The following PDLIM1 variants were observed in gnomAD, a reference collection of about 807,000 sequenced individuals.
PDLIM1 encodes the protein PDZ and LIM domain protein 1.
PDLIM1 carries 25 observed loss-of-function variants against 35.2 expected under a neutral mutation model. That is an observed-to-expected ratio of 0.71 (90% confidence interval 0.52 to 0.99). PDLIM1 has a LOEUF of 0.99. PDLIM1 is among the 50% of genes least tolerant of loss of function. The pLI is 0.00. For synonymous variants in PDLIM1, 152 were observed against 154.0 expected (o/e 0.99, Z 0.10); for missense variants, 363 against 415.3 (o/e 0.87, Z 1.09).
chr10:95,254,888 AAG>A (rs776708634), intron 4 of PDLIM1, among the ~76,000 whole-genome samples: 1 of 152,058 alleles, frequency 6.6e-6, no homozygotes, highest in Admixed American at 6.6e-5. Flanking sequence ...CAACCTGGGC[AAG>A]AGAGAGAGAC....
At chr10:95,247,096 T>A in intron 5 of PDLIM1, 119 bp downstream of exon 5, 1 of 837,862 alleles carries the variant, frequency 1.2e-6, no homozygotes, top group Non-Finnish European at 1.9e-6. Context: ...ATTTCAGCAT[T>A]TTAAAAGCCC....
rs544217733 is a variant in PDLIM1 at position 95,279,518 on chromosome 10, C to T, written c.97-7734G>A. 3.3e-5 allele frequency among the ~76,000 whole-genome samples: 5 copies of T among 152,254 alleles called. No individual in the cohort carries two copies. In the South Asian group the frequency reaches 1.0e-3, roughly 32 times the overall value. ...TCAAACCCCAACTCTAACGCTTTTC[C>T]TCTCTACTGCCTTAAAGGGTGCCAG... On this transcript the variant is annotated intron_variant, in intron 1 of 6. Coordinates refer to ENST00000329399, the MANE Select transcript of PDLIM1 (RefSeq NM_020992.4).
intron 5 of PDLIM1, among the ~76,000 whole-genome samples, chr10:95,245,044 AACT>A (rs1199492728): frequency 3.3e-5 from 5 of 152,236 alleles, no homozygotes; most frequent in Non-Finnish European, 5.9e-5. Flanking sequence ...ATACAGGAGA[AACT>A]ACAAGATTTG....
intron 1 of PDLIM1, among the ~76,000 whole-genome samples, chr10:95,274,874 G>A (rs907654758): frequency 1.2e-4 from 18 of 152,102 alleles, no homozygotes; most frequent in South Asian, 2.1e-4. Flanking sequence ...GCTAACTTCC[G>A]GAGAAATTTT....
chr10:95,240,207 C>G (rs2035166492), intron 5 of PDLIM1, among the ~76,000 whole-genome samples: 1 of 152,166 alleles, frequency 6.6e-6, no homozygotes, highest in Non-Finnish European at 1.5e-5. Context: ...TCACAGCACT[C>G]ACTATTCATG....
intron 1 of PDLIM1, among the ~76,000 whole-genome samples, chr10:95,282,752 C>T (rs1163024037): frequency 6.6e-6 from 1 of 152,124 alleles, no homozygotes; most frequent in African/African-American, 2.4e-5. Flanking sequence ...CCAGCCTGTT[C>T]ACCAACATGG....
At chr10:95,269,569 C>A (rs1395510729) in intron 2 of PDLIM1, among the ~76,000 whole-genome samples, 1 of 82,552 alleles carries the variant, frequency 1.2e-5, no homozygotes, top group African/African-American at 3.5e-5. Flanking sequence ...GAGACTCCAT[C>A]CCAAAAAAAA....
Position 95,240,526 on chromosome 10 carries a change from AGAATG to A in PDLIM1, c.686-1846_686-1842del, listed in dbSNP as rs1266413913. Among the ~76,000 whole-genome samples the A allele has an allele frequency of 2.0e-5, 3 of 152,320 alleles. No individual in the cohort carries two copies. In the East Asian group the frequency reaches 5.8e-4, roughly 29 times the overall value. On this transcript the variant is annotated intron_variant, in intron 5 of 6. Coordinates refer to ENST00000329399, the MANE Select transcript of PDLIM1 (RefSeq NM_020992.4). The stretch of plus-strand genomic sequence containing the variant: ...GAGTGGGGGAAGGAGAACATCTGGA[AGAATG>A]GCTGATGGATGCTGGGCTTAATATC...
chr10:95,283,229 T>G (rs1012926702), intron 1 of PDLIM1, among the ~76,000 whole-genome samples: 15 of 152,200 alleles, frequency 9.9e-5, no homozygotes, highest in Middle Eastern at 3.2e-3. Flanking sequence ...ATTAATATTT[T>G]TAATATTTAA....
At chr10:95,270,723 C>T (rs1365145536) in intron 2 of PDLIM1, among the ~76,000 whole-genome samples, 1 of 152,064 alleles carries the variant, frequency 6.6e-6, no homozygotes, top group Non-Finnish European at 1.5e-5. Context: ...ACCCACTGCT[C>T]AGCACAATGC....
At chr10:95,271,436 C>CAA (rs5787128) in intron 2 of PDLIM1, among the ~76,000 whole-genome samples, 197 bp downstream of exon 2, 14 of 71,812 alleles carry the variant, frequency 1.9e-4, no homozygotes, top group Non-Finnish European at 2.5e-4. Context: ...GACTCCGTCT[C>CAA]AAAAAAAAAA....
intron 3 of PDLIM1, among the ~76,000 whole-genome samples, chr10:95,266,015 A>G (rs1375631197): frequency 1.3e-5 from 2 of 152,112 alleles, no homozygotes; most frequent in African/African-American, 2.4e-5. Flanking sequence ...CCTGGCCAAC[A>G]TGGTGAAACC....
At chr10:95,240,600 A>C (rs779065741) in intron 5 of PDLIM1, among the ~76,000 whole-genome samples, 1 of 152,200 alleles carries the variant, frequency 6.6e-6, no homozygotes, top group Non-Finnish European at 1.5e-5. Context: ...ATGGCACGTC[A>C]TTACCTATGT....
intron 5 of PDLIM1, among the ~76,000 whole-genome samples, chr10:95,240,253 A>G (rs7910040): frequency 0.35 from 52,578 of 152,128 alleles, 9,613 homozygotes; most frequent in Middle Eastern, 0.52. Flanking sequence ...AATTCCCATC[A>G]ATGATAGACT....
At chr10:95,255,900 T>TAC (rs59292355) in intron 4 of PDLIM1, among the ~76,000 whole-genome samples, 38,970 of 138,752 alleles carry the variant, frequency 0.28, 5,396 homozygotes, top group Non-Finnish European at 0.33. Context: ...CCCCCCCCAC[T>TAC]ACACACACAC....
intron 1 of PDLIM1, chr10:95,273,189 C>T (rs1366587068): frequency 2.0e-5 from 3 of 152,150 alleles, no homozygotes; most frequent in Non-Finnish European, 4.4e-5. Flanking sequence ...TCCGCAGGAT[C>T]AAGGTGGCAG....
At chr10:95,284,359 A>AT (rs997216112) in intron 1 of PDLIM1, among the ~76,000 whole-genome samples, 22 of 148,696 alleles carry the variant, frequency 1.5e-4, no homozygotes, top group Admixed American at 4.7e-4. Flanking sequence ...ATCTGTATGC[A>AT]TTTTTTTTTT....
At chr10:95,247,392 T>A (rs1283242469) in intron 4 of PDLIM1, 26 bp from the exon 5 acceptor site, 1 of 1,600,964 alleles carries the variant, frequency 6.2e-7, no homozygotes, top group South Asian at 1.1e-5. Flanking sequence ...GAAAAATTGA[T>A]TAGGACATGA....
At position 95,237,689 on chromosome 10, in the gene PDLIM1, G is replaced by A. The variant is rs1258083961; in HGVS notation, c.*236C>T. ...GCAGAGAAGAACGGTGGGGCGAAGG[G>A]ACACAGTGTTGCTGACAAGGTGACA... is the stretch of plus-strand genomic sequence containing the variant. On this transcript the variant is annotated 3_prime_UTR_variant, in exon 7 of 7. Coordinates refer to ENST00000329399, the MANE Select transcript of PDLIM1 (RefSeq NM_020992.4). The A allele has an allele frequency of 1.2e-5, 6 of 514,718 alleles. No homozygotes were observed. Among genetic ancestry groups the A allele is most frequent in the Non-Finnish European group, 1.7e-5 (5 of 288,484 alleles). The allele number at this position is 514,718 out of a possible 1,614,324, so 31.9% of individuals were successfully genotyped here.
Sources: gnomAD v4.1 joint callset for allele counts (sites outside exome capture counted in the v4.1 genomes callset) on GRCh38, gnomAD v4.1.1 for gene constraint, MANE v1.5 for transcripts, NCBI Gene and HGNC (gene_info 2026-07-23, HGNC 2026-07-21) for gene names.